CELF2: variants seen among roughly 807,000 people sequenced by gnomAD.
CELF2 encodes CUGBP Elav-like family member 2, also known as CUG triplet repeat RNA-binding protein 2.
CELF2 carries 8 observed loss-of-function variants against 62.6 expected under a neutral mutation model. The observed-to-expected ratio is 0.13, with a 90% CI of 0.07 to 0.23. The LOEUF (loss-of-function observed/expected upper bound fraction) is 0.23. Among genes scored for constraint, CELF2 ranks in the 10% least tolerant of loss-of-function variants. The pLI is 1.00. For synonymous variants in CELF2, 258 were observed against 250.0 expected (o/e 1.03, Z -0.30); for missense variants, 333 against 671.0 (o/e 0.50, Z 5.56).
chr10:10,860,712 G>C (rs1038798817), intron 1 of CELF2, among the ~76,000 whole-genome samples: 2 of 152,176 alleles, frequency 1.3e-5, no homozygotes, highest in Non-Finnish European at 2.9e-5. Flanking sequence ...ACCCAACAAC[G>C]TGGCAGGCAG....
the CELF2 span, among the ~76,000 whole-genome samples, chr10:10,646,973 G>A: frequency 2.9e-3 from 443 of 152,210 alleles, 2 homozygotes; most frequent in Non-Finnish European, 4.3e-3. Context: ...TAGCCTACTC[G>A]TTGGCATGAG....
intron 1 of CELF2, among the ~76,000 whole-genome samples, chr10:10,882,592 G>A (rs1475482976): frequency 1.3e-5 from 2 of 152,152 alleles, no homozygotes; most frequent in Non-Finnish European, 2.9e-5. Flanking sequence ...ATTATTCCAT[G>A]GGGTTTTATT....
chr10:11,322,060 G>A (rs965231814), intron 11 of CELF2, among the ~76,000 whole-genome samples: 1 of 152,210 alleles, frequency 6.6e-6, no homozygotes, highest in Non-Finnish European at 1.5e-5. Flanking sequence ...TCCCAAGTCA[G>A]CACAGACCAT....
intron 1 of CELF2, among the ~76,000 whole-genome samples, chr10:10,890,321 G>T (rs1437378350): frequency 2.6e-5 from 4 of 152,108 alleles, no homozygotes; most frequent in Non-Finnish European, 4.4e-5. Context: ...AAGTAGAAAG[G>T]AAGGCCCACA....
the CELF2 span, among the ~76,000 whole-genome samples, chr10:10,595,885 G>C: frequency 1.3e-5 from 2 of 152,046 alleles, no homozygotes; most frequent in Admixed American, 1.3e-4. Context: ...GACAGAGTGA[G>C]ATTCCATCTT....
chr10:11,002,125 C>T (rs1342223781), upstream of CELF2, among the ~76,000 whole-genome samples: 1 of 152,104 alleles, frequency 6.6e-6, no homozygotes, highest in Non-Finnish European at 1.5e-5. The surrounding 1 kb of genome is among the most constrained non-coding windows in gnomAD (Gnocchi z 4.4). Context: ...GCTGGACAGG[C>T]CTCACAATCA....
the CELF2 span, among the ~76,000 whole-genome samples, chr10:10,506,988 C>T: frequency 3.3e-5 from 5 of 152,002 alleles, no homozygotes; most frequent in East Asian, 1.9e-4. Flanking sequence ...ATTAAAGCCA[C>T]GTTCCACAGC....
the CELF2 span, among the ~76,000 whole-genome samples, chr10:10,534,529 A>T: frequency 2.0e-5 from 3 of 152,212 alleles, no homozygotes; most frequent in Non-Finnish European, 4.4e-5. Flanking sequence ...AGCCAGAGGG[A>T]GAAAGGATAA....
intron 11 of CELF2, among the ~76,000 whole-genome samples, chr10:11,325,590 G>A (rs779046100): frequency 3.3e-5 from 5 of 152,226 alleles, no homozygotes; most frequent in Non-Finnish European, 7.3e-5. Flanking sequence ...AAGGGGCAGT[G>A]GCACCTGTGA....
At chr10:11,144,894 G>C (rs575441251) in intron 1 of CELF2, among the ~76,000 whole-genome samples, 14 of 62,174 alleles carry the variant, frequency 2.3e-4, no homozygotes, top group Admixed American at 1.3e-3. Flanking sequence ...CCTGTCTCAG[G>C]AAACAGAAAA....
At chr10:10,906,041 A>G (rs1447830099) in intron 1 of CELF2, among the ~76,000 whole-genome samples, 1 of 152,192 alleles carries the variant, frequency 6.6e-6, no homozygotes, top group East Asian at 1.9e-4. Flanking sequence ...ACTGCTCTCC[A>G]GCCTGGGCGA....
chr10:10,895,754 C>T (rs760581661), intron 1 of CELF2, among the ~76,000 whole-genome samples: 3 of 151,994 alleles, frequency 2.0e-5, no homozygotes, highest in Non-Finnish European at 4.4e-5. Flanking sequence ...ACATTTTTAA[C>T]ATATATTAAT....
intron 3 of CELF2, among the ~76,000 whole-genome samples, chr10:11,232,043 C>A (rs141039011): frequency 0.1 from 15,279 of 152,044 alleles, 805 homozygotes; most frequent in Middle Eastern, 0.15. Context: ...GCACAACGTG[C>A]AGGTTTGTTA....
chr10:11,214,851 G>A lies in CELF2; in HGVS notation c.272-2574G>A, dbSNP rs368815627. On this transcript the variant is annotated intron_variant, in intron 2 of 12. Coordinates refer to ENST00000633077, the MANE Select transcript of CELF2 (RefSeq NM_001326342.2). The surrounding 1 kb of genome is among the most constrained non-coding windows in gnomAD (Gnocchi z 4.2). ...AGTGACTGACTTCACCGTACTAGTT[G>A]TAAAGGCAGAGTGGACCTTGGATGA... Among the ~76,000 whole-genome samples, 1 of 152,220 alleles carries A rather than the reference G, an allele frequency of 6.6e-6. No homozygotes were observed. The highest frequency in any genetic ancestry group is 1.5e-5 in the Non-Finnish European group (1 of 68,032).
intron 1 of CELF2, among the ~76,000 whole-genome samples, chr10:11,080,161 C>T (rs1206275665): frequency 6.6e-6 from 1 of 152,160 alleles, no homozygotes; most frequent in Admixed American, 6.5e-5. Context: ...CTCACAACCT[C>T]AATTTCCTCA....
chr10:10,699,437 G>A, the CELF2 span, among the ~76,000 whole-genome samples: 2 of 152,236 alleles, frequency 1.3e-5, no homozygotes, highest in African/African-American at 2.4e-5. Flanking sequence ...TCCTTGTAGA[G>A]ATGGATACTT....
At chr10:10,603,264 G>A in the CELF2 span, among the ~76,000 whole-genome samples, 2 of 152,022 alleles carry the variant, frequency 1.3e-5, no homozygotes, top group Non-Finnish European at 2.9e-5. Flanking sequence ...TTAAAGCAAT[G>A]TTAAGTGCAC....
At chr10:10,602,960 G>A in the CELF2 span, among the ~76,000 whole-genome samples, 27,831 of 151,946 alleles carry the variant, frequency 0.18, 3,224 homozygotes, top group South Asian at 0.44. Flanking sequence ...TAAAACATGC[G>A]ACTGTGCGTA....
intron 9 of CELF2, among the ~76,000 whole-genome samples, chr10:11,295,720 G>A (rs12266433): frequency 0.11 from 17,137 of 152,190 alleles, 1,016 homozygotes; most frequent in Middle Eastern, 0.2. Flanking sequence ...AAAGTTCTTC[G>A]GCATGTAAGA....
Sources: allele counts gnomAD v4.1 joint callset (sites outside exome capture counted in the v4.1 genomes callset), GRCh38; gene constraint gnomAD v4.1.1; non-coding constraint Gnocchi (gnomAD v3.1); transcripts MANE v1.5; gene names NCBI Gene and HGNC (gene_info 2026-07-23, HGNC 2026-07-21).